ZBTB46: variants seen among roughly 807,000 people sequenced by gnomAD.
ZBTB46 encodes zinc finger and BTB domain-containing protein 46.
Under a neutral mutation model 44.1 loss-of-function variants are expected in ZBTB46, and 8 were observed. That is an observed-to-expected ratio of 0.18 (90% CI 0.11 to 0.33). The LOEUF is 0.33. Among genes scored for constraint, ZBTB46 ranks in the 10% least tolerant of loss-of-function variants. ZBTB46 has a pLI of 1.00. For synonymous variants in ZBTB46, 409 were observed against 382.3 expected (o/e 1.07, Z -0.81); for missense variants, 651 against 847.7 (o/e 0.77, Z 2.88).
At chr20:63,806,021 C>T (rs1456125439) in intron 1 of ZBTB46, among the ~76,000 whole-genome samples, 1 of 151,196 alleles carries the variant, frequency 6.6e-6, no homozygotes, top group Non-Finnish European at 1.5e-5. Context: ...GTGCTCTACC[C>T]GCCTCCGCCT....
rs115427113 is a variant in ZBTB46 at position 63,768,779 on chromosome 20, C to T, written c.1222+6899G>A. Among the ~76,000 whole-genome samples, 288 of 152,168 alleles carry T rather than the reference C, an allele frequency of 1.9e-3. 5 individuals carry two copies. Among genetic ancestry groups the T allele is most frequent in the African/African-American group, 6.6e-3 (275 of 41,516 alleles). Reference sequence around the variant, plus strand: ...GGCTCGGGCTGGGGCAGTGGAACGGCTTCCACCAGGGCTCTGTGAGGCTCG... The same window carrying T: ...GGCTCGGGCTGGGGCAGTGGAACGGTTTCCACCAGGGCTCTGTGAGGCTCG... On this transcript the variant is annotated intron_variant, in intron 3 of 4. Coordinates refer to ENST00000245663, the MANE Select transcript of ZBTB46 (RefSeq NM_001369741.1).
chr20:63,815,967 TGCAGGTACAGTGGGC>T (rs1249241534), intron 1 of ZBTB46, among the ~76,000 whole-genome samples: 4 of 90,540 alleles, frequency 4.4e-5, no homozygotes, highest in African/African-American at 1.0e-4. Context: ...GTGCAGTGGG[TGCAGGTACAGTGGGC>T]GCAGGTGCAG....
At chr20:63,821,454 T>TC (rs1555858468) in intron 1 of ZBTB46, among the ~76,000 whole-genome samples, 3 of 151,108 alleles carry the variant, frequency 2.0e-5, no homozygotes, top group African/African-American at 4.9e-5. Context: ...TTTTTTTTTT[T>TC]CTGAGACGGA....
In ZBTB46 at chr20:63,745,149, C is replaced by T. The variant is rs965392385; in HGVS notation, c.*1781G>A. 1 of 152,306 alleles carries T rather than the reference C, an allele frequency of 6.6e-6. No individual in the cohort carries two copies. The highest frequency in any genetic ancestry group is 1.5e-5 in the Non-Finnish European group (1 of 68,054). The allele number at this position is 152,306 out of a possible 1,614,324, so 9.4% of individuals were successfully genotyped here. A position where few individuals can be genotyped will look rare whatever the true frequency, so the allele number is the denominator to read the frequency against. On this transcript the variant is annotated 3_prime_UTR_variant, in exon 5 of 5. Coordinates refer to ENST00000245663, the MANE Select transcript of ZBTB46 (RefSeq NM_001369741.1). Reference sequence around the variant, plus strand: ...TCGTGCCAGAGCCACCCACCTTGCTCGGTAAGAGTGGGCAGGGCTCACCGC... The same window carrying T: ...TCGTGCCAGAGCCACCCACCTTGCTTGGTAAGAGTGGGCAGGGCTCACCGC...
upstream of ZBTB46, among the ~76,000 whole-genome samples, chr20:63,832,508 G>A (rs2092857289): frequency 6.6e-6 from 1 of 152,230 alleles, no homozygotes; most frequent in African/African-American, 2.4e-5. This position sits in a 1 kb window ranked among gnomAD's most constrained non-coding sequence, Gnocchi z 5.0. Context: ...GATGTGTGAG[G>A]CGCATTCAGG....
intron 3 of ZBTB46, among the ~76,000 whole-genome samples, chr20:63,753,649 T>TGCA (rs1410848038): frequency 3.3e-5 from 5 of 152,246 alleles, no homozygotes; most frequent in Admixed American, 2.0e-4. Context: ...TGAAGCCCGG[T>TGCA]GCACGCATGT....
intron 3 of ZBTB46, among the ~76,000 whole-genome samples, chr20:63,771,492 C>T (rs2092372262): frequency 6.6e-6 from 1 of 152,058 alleles, no homozygotes; most frequent in Admixed American, 6.5e-5. Context: ...GATCAGCAGA[C>T]GGCGTCAGAC....
At chr20:63,789,674 G>C (rs764302504) in intron 2 of ZBTB46, 147 bp downstream of exon 2, 16 of 1,358,166 alleles carry the variant, frequency 1.2e-5, no homozygotes, top group Non-Finnish European at 1.4e-5. Flanking sequence ...CATTCCCAGC[G>C]GTCACGACAA....
chr20:63,821,029 A>T (rs2092789030), intron 1 of ZBTB46, among the ~76,000 whole-genome samples: 1 of 151,706 alleles, frequency 6.6e-6, no homozygotes, highest in African/African-American at 2.4e-5. Flanking sequence ...AGTAGCTGGG[A>T]TTACAGGCAT....
chr20:63,804,469 C>G (rs781442376), intron 1 of ZBTB46, among the ~76,000 whole-genome samples: 1 of 152,184 alleles, frequency 6.6e-6, no homozygotes, highest in African/African-American at 2.4e-5. Context: ...GAAGCCCTCC[C>G]GGGCGTCACT....
In ZBTB46 at chr20:63,747,315, G is replaced by A; in HGVS notation, c.1399-14C>T. 2.1e-6 allele frequency: 3 copies of A among 1,426,560 alleles called. No individual in the cohort carries two copies. Among genetic ancestry groups the A allele is most frequent in the Non-Finnish European group, 1.8e-6 (2 of 1,083,216 alleles). The allele number at this position is 1,426,560 out of a possible 1,614,324, so 88.4% of individuals were successfully genotyped here. A position where few individuals can be genotyped will look rare whatever the true frequency, so the allele number is the denominator to read the frequency against. On this transcript the variant is annotated splice_polypyrimidine_tract_variant and intron_variant, in intron 4 of 4. Transcript: ENST00000245663. Reference sequence around the variant, plus strand: ...CTTGCTGTGGACCTGCAGAGGCAGGGCAGGGGGTGAGCAGGGCCTGGTGGG... The same window carrying A: ...CTTGCTGTGGACCTGCAGAGGCAGGACAGGGGGTGAGCAGGGCCTGGTGGG...
At chr20:63,798,685 A>AAAAAAAAAACAAAAAAAAAAC (rs1417351365) in intron 1 of ZBTB46, among the ~76,000 whole-genome samples, 1 of 127,888 alleles carries the variant, frequency 7.8e-6, no homozygotes, top group African/African-American at 3.2e-5. Flanking sequence ...AAAAAAAAAA[A>AAAAAAAAAACAAAAAAAAAAC]AAAAAAAATT....
rs1008858010 is a variant in ZBTB46 at position 63,767,111 on chromosome 20, C to T, written c.1222+8567G>A. Among the ~76,000 whole-genome samples, 1 of 152,372 alleles carries T rather than the reference C, an allele frequency of 6.6e-6. No homozygotes were observed. The highest frequency in any genetic ancestry group is 1.5e-5 in the Non-Finnish European group (1 of 68,024). ...GGGGCGCTCTTTCTGAAAAGCAGCACATTCCCGTAATTCCACGCCGACACG... is the reference window on the plus strand; with the variant it reads ...GGGGCGCTCTTTCTGAAAAGCAGCATATTCCCGTAATTCCACGCCGACACG... On this transcript the variant is annotated intron_variant, in intron 3 of 4. Coordinates refer to ENST00000245663, the MANE Select transcript of ZBTB46 (RefSeq NM_001369741.1). The surrounding 1 kb of genome is among the most constrained non-coding windows in gnomAD (Gnocchi z 5.0).
At chr20:63,793,484 C>T (rs1157773006) in intron 1 of ZBTB46, among the ~76,000 whole-genome samples, 2 of 152,134 alleles carry the variant, frequency 1.3e-5, no homozygotes, top group East Asian at 1.9e-4. Flanking sequence ...CACCTGGCTC[C>T]GGGCCACGTG....
At chr20:63,795,414 C>T (rs7271319) in intron 1 of ZBTB46, among the ~76,000 whole-genome samples, 2,301 of 152,328 alleles carry the variant, frequency 0.015, 54 homozygotes, top group African/African-American at 0.053. Flanking sequence ...GCACAGGACG[C>T]GGTGCAGTTA....
chr20:63,779,076 C>T (rs2092447720), intron 2 of ZBTB46, among the ~76,000 whole-genome samples: 1 of 152,104 alleles, frequency 6.6e-6, no homozygotes. Flanking sequence ...GTTCAGGGAT[C>T]AGGGCCCCGC....
intron 3 of ZBTB46, among the ~76,000 whole-genome samples, chr20:63,758,592 A>G (rs981371996): frequency 6.6e-6 from 1 of 152,092 alleles, no homozygotes; most frequent in Non-Finnish European, 1.5e-5. Flanking sequence ...TTAGATCCCT[A>G]TCCTAGATCC....
chr20:63,751,390 G>A (rs1267329058), intron 4 of ZBTB46, among the ~76,000 whole-genome samples: 3 of 152,268 alleles, frequency 2.0e-5, no homozygotes, highest in South Asian at 2.1e-4. Flanking sequence ...ACTAAGCCCC[G>A]CTCCATATCC....
At chr20:63,831,444 T>G, upstream of ZBTB46, among the ~76,000 whole-genome samples, 2 of 140,516 alleles carry the variant, frequency 1.4e-5, no homozygotes, top group South Asian at 2.2e-4. Flanking sequence ...GCCCCGCCCC[T>G]CGCTCGGCTC....
Sources: allele counts gnomAD v4.1 joint callset (sites outside exome capture counted in the v4.1 genomes callset), GRCh38; gene constraint gnomAD v4.1.1; non-coding constraint Gnocchi (gnomAD v3.1); transcripts MANE v1.5; gene names NCBI Gene and HGNC (gene_info 2026-07-23, HGNC 2026-07-21).